The following SKP2 variants were observed in gnomAD, a reference collection of about 807,000 sequenced individuals.
The protein encoded by SKP2 is S-phase kinase-associated protein 2.
Under a neutral mutation model 51.8 loss-of-function variants are expected in SKP2, and 16 were observed. That is an observed-to-expected ratio of 0.31 (90% CI 0.21 to 0.47). SKP2 has a LOEUF of 0.47. SKP2 is among the 20% of genes least tolerant of loss of function. The probability of loss-of-function intolerance (pLI) is 1.00; values close to 1 mark genes in which losing one functional copy is unlikely to be tolerated. For synonymous variants in SKP2, 176 were observed against 198.6 expected (o/e 0.89, Z 0.96); for missense variants, 377 against 505.3 (o/e 0.75, Z 2.43).
rs563207062 is a variant in SKP2, at chr5:36,152,160, C to T, written c.-103C>T. 1.6e-6 allele frequency: 2 copies of T among 1,249,188 alleles called. No homozygotes were observed. The highest frequency in any genetic ancestry group is 1.5e-5 in the African/African-American group (1 of 67,922). The allele number at this position is 1,249,188 out of a possible 1,614,324, so 77.4% of individuals were successfully genotyped here. ...TTAGCGGGTCTGGCTGCTGGGGGCCCGAGCAGCACGCTCGGAGCCGCCGCG... is the reference window on the plus strand; with the variant it reads ...TTAGCGGGTCTGGCTGCTGGGGGCCTGAGCAGCACGCTCGGAGCCGCCGCG... On this transcript the variant is annotated 5_prime_UTR_variant, in exon 1 of 10. Transcript: ENST00000274255.
At chr5:36,185,045 G>T (rs1745933020), downstream of SKP2, among the ~76,000 whole-genome samples, 1 of 152,168 alleles carries the variant, frequency 6.6e-6, no homozygotes, top group South Asian at 2.1e-4. Flanking sequence ...GTGTCTCTTG[G>T]CTGCATAAAT....
intron 2 of SKP2, among the ~76,000 whole-genome samples, chr5:36,158,591 T>C (rs916918884): frequency 4.6e-5 from 7 of 152,206 alleles, no homozygotes; most frequent in Non-Finnish European, 7.3e-5. Context: ...TGTTTTATTT[T>C]CTCTCTCCTC....
Position 36,163,926 on chromosome 5 carries a change from G to A in SKP2, c.392+170G>A, listed in dbSNP as rs558474511. On this transcript the variant is annotated intron_variant, in intron 3 of 9. Transcript: ENST00000274255. ...GTGTCCTCATTTCACAGTGGAAGAG[G>A]AATTTCCTGGGAGGGATAAACTTAC... 3.3e-5 allele frequency among the ~76,000 whole-genome samples: 5 copies of A among 152,306 alleles called. No individual in the cohort carries two copies. In the East Asian group the frequency reaches 9.6e-4, roughly 29 times the overall value.
chr5:36,190,683 C>CAA (rs70973094), intron 6 of SKP2, among the ~76,000 whole-genome samples: 1,947 of 81,086 alleles, frequency 0.024, 108 homozygotes, highest in African/African-American at 0.056. Context: ...CAAACATATG[C>CAA]AAAAAAAAAA....
chr5:36,173,862 A>G (rs1179182925), intron 7 of SKP2, among the ~76,000 whole-genome samples: 1 of 152,176 alleles, frequency 6.6e-6, no homozygotes, highest in African/African-American at 2.4e-5. Flanking sequence ...TAGCTCATAG[A>G]CTGGTACCAG....
At chr5:36,156,649 A>G (rs967387203) in intron 2 of SKP2, among the ~76,000 whole-genome samples, 4 of 152,166 alleles carry the variant, frequency 2.6e-5, no homozygotes, top group Non-Finnish European at 5.9e-5. Flanking sequence ...TGGTCATGAA[A>G]TGCTTGTCCC....
At chr5:36,192,241 C>T (rs1337872025) in intron 6 of SKP2, among the ~76,000 whole-genome samples, 2 of 152,024 alleles carry the variant, frequency 1.3e-5, no homozygotes, top group Non-Finnish European at 2.9e-5. Flanking sequence ...GAATAAAATG[C>T]CTTTGAAAAA....
At chr5:36,152,553 G>A (rs1429110818) in intron 1 of SKP2, among the ~76,000 whole-genome samples, 1 of 152,094 alleles carries the variant, frequency 6.6e-6, no homozygotes, top group Non-Finnish European at 1.5e-5. Context: ...AGAAATTCTT[G>A]AGGCCTTCTG....
At chr5:36,171,312 A>T (rs887796893) in intron 6 of SKP2, among the ~76,000 whole-genome samples, 1 of 152,184 alleles carries the variant, frequency 6.6e-6, no homozygotes, top group Non-Finnish European at 1.5e-5. Flanking sequence ...GCAAACATAA[A>T]AGACTGGCAT....
At position 36,170,413 on chromosome 5, in the gene SKP2, C is replaced by T. The variant is rs1399496688; in HGVS notation, c.741C>T (p.Ala247=). Residue 247 remains alanine, a synonymous_variant, in exon 6 of 10, where the codon GCC becomes GCT. Coordinates refer to ENST00000274255, the MANE Select transcript of SKP2 (RefSeq NM_005983.4). ...LSGCSGFSEF[A]LQTLLSSCSR... The stretch of plus-strand genomic sequence containing the variant: ...GGTGTTCTGGATTCTCTGAATTTGC[C>T]CTGCAGACTTTGCTAAGCAGCTGTT... 6.2e-7 allele frequency: 1 copy of T among 1,612,136 alleles called. No homozygotes were observed. Among genetic ancestry groups the T allele is most frequent in the Non-Finnish European group, 8.5e-7 (1 of 1,178,766 alleles).
intron 2 of SKP2, among the ~76,000 whole-genome samples, chr5:36,160,238 C>T (rs1235227196): frequency 3.3e-5 from 5 of 152,156 alleles, no homozygotes; most frequent in South Asian, 2.1e-4. Context: ...GGAGGCCCAG[C>T]GTATGGTGTC....
At chr5:36,188,275 A>T (rs188670892), downstream of SKP2, among the ~76,000 whole-genome samples, 45 of 152,320 alleles carry the variant, frequency 3.0e-4, 1 homozygote, top group East Asian at 8.5e-3. Context: ...TGTCATTATG[A>T]TGTTAGCTGG....
intron 6 of SKP2, among the ~76,000 whole-genome samples, chr5:36,189,567 C>G (rs1018646114): frequency 2.0e-5 from 3 of 152,184 alleles, no homozygotes; most frequent in Admixed American, 1.3e-4. Context: ...TGCTGACTGA[C>G]CGTTCCTCTG....
intron 2 of SKP2, 85 bp downstream of exon 2, chr5:36,153,127 G>A: frequency 7.5e-7 from 1 of 1,338,450 alleles, no homozygotes; most frequent in South Asian, 1.3e-5. Flanking sequence ...GAGATCTTTA[G>A]CATGGGTTCC....
chr5:36,191,767 G>A (rs1746029779), intron 6 of SKP2, among the ~76,000 whole-genome samples: 2 of 151,968 alleles, frequency 1.3e-5, no homozygotes, highest in African/African-American at 4.8e-5. Context: ...CCTAACCATG[G>A]AACAAGCAAG....
At chr5:36,177,596 G>T (rs1355642551) in intron 9 of SKP2, among the ~76,000 whole-genome samples, 8 of 151,068 alleles carry the variant, frequency 5.3e-5, no homozygotes, top group Admixed American at 5.3e-4. Flanking sequence ...CAGGAAACTT[G>T]AAGTGTAATT....
At chr5:36,154,344 C>T (rs1227630923) in intron 2 of SKP2, among the ~76,000 whole-genome samples, 5 of 151,894 alleles carry the variant, frequency 3.3e-5, no homozygotes, top group African/African-American at 9.7e-5. Flanking sequence ...ATAAATGTGA[C>T]GTATTTGTTC....
At chr5:36,190,469 T>A (rs1028964786) in intron 6 of SKP2, among the ~76,000 whole-genome samples, 1 of 148,224 alleles carries the variant, frequency 6.7e-6, no homozygotes, top group Non-Finnish European at 1.5e-5. Context: ...AGCAGCATTT[T>A]AAAAATATAT....
chr5:36,175,956 A>G (rs1411905856), intron 7 of SKP2, among the ~76,000 whole-genome samples: 2 of 152,032 alleles, frequency 1.3e-5, no homozygotes, highest in African/African-American at 2.4e-5. Flanking sequence ...TTTAAAAAAA[A>G]AAGAAAATCA....
Sources: allele counts gnomAD v4.1 joint callset (sites outside exome capture counted in the v4.1 genomes callset), GRCh38; gene constraint gnomAD v4.1.1; transcripts MANE v1.5; gene names NCBI Gene and HGNC (gene_info 2026-07-23, HGNC 2026-07-21).